The following GRIN3A variants were observed in gnomAD, a reference collection of about 807,000 sequenced individuals.
GRIN3A encodes glutamate ionotropic receptor NMDA type subunit 3A.
GRIN3A carries 47 observed loss-of-function variants against 92.4 expected under a neutral mutation model. The observed-to-expected ratio is 0.51, with a 90% CI of 0.40 to 0.65. The LOEUF is 0.65. Among genes scored for constraint, GRIN3A ranks in the 30% least tolerant of loss-of-function variants. GRIN3A has a pLI of 0.00. For missense variants in GRIN3A, 1,324 were observed against 1,393.1 expected, an observed-to-expected ratio of 0.95 and a Z score of 0.79; for synonymous variants, 527 against 540.6, an observed-to-expected ratio of 0.97 and a Z score of 0.35.
intron 6 of GRIN3A, chr9:101,594,246 T>C: frequency 2.3e-6 from 2 of 862,548 alleles, no homozygotes; most frequent in East Asian, 2.7e-5. Context: ...AGAAGGAGAA[T>C]TAATAGCACT....
chr9:101,612,767 C>T (rs1828383235), intron 6 of GRIN3A, among the ~76,000 whole-genome samples: 1 of 152,162 alleles, frequency 6.6e-6, no homozygotes, highest in Non-Finnish European at 1.5e-5. Flanking sequence ...CAGTGTACTG[C>T]AATAGAAAGA....
chr9:101,587,568 A>G (rs1827965750), intron 6 of GRIN3A, among the ~76,000 whole-genome samples: 1 of 152,182 alleles, frequency 6.6e-6, no homozygotes, highest in South Asian at 2.1e-4. Context: ...TAAAAAGCAC[A>G]TGTCTGAAAA....
chr9:101,737,432 C>T lies in GRIN3A; in HGVS notation c.548G>A (p.Ser183Asn), dbSNP rs1830224061. The part of the protein sequence containing the change: ...WSSDPFSFLQ[S>N]VCHTVVVQGV... ...TTGCACCACCACGGTATGGCACACA[C>T]TTTGCAGGAAGGAGAAAGGGTCACT... Residue 183 changes from serine to asparagine, a missense_variant, in exon 1 of 9, where the codon AGT (serine) becomes AAT (asparagine). Ser to Asn is a conservative substitution (Grantham distance 46, BLOSUM62 1). Coordinates refer to ENST00000361820, the MANE Select transcript of GRIN3A (RefSeq NM_133445.3). 1.2e-6 allele frequency: 2 copies of T among 1,614,156 alleles called. No homozygotes were observed. Among genetic ancestry groups the T allele is most frequent in the East Asian group, 2.2e-5 (1 of 44,892 alleles).
At chr9:101,697,239 T>C (rs912618414) in intron 1 of GRIN3A, among the ~76,000 whole-genome samples, 1 of 152,228 alleles carries the variant, frequency 6.6e-6, no homozygotes, top group African/African-American at 2.4e-5. Flanking sequence ...GATTACACTT[T>C]GCTGCAATGA....
chr9:101,729,328 T>C (rs1425575330), intron 1 of GRIN3A, among the ~76,000 whole-genome samples: 1 of 152,180 alleles, frequency 6.6e-6, no homozygotes, highest in Non-Finnish European at 1.5e-5. Flanking sequence ...GAGGTCATAG[T>C]CTGAAATATG....
intron 6 of GRIN3A, among the ~76,000 whole-genome samples, chr9:101,604,131 T>C (rs761935024): frequency 2.0e-5 from 3 of 150,932 alleles, no homozygotes; most frequent in Non-Finnish European, 2.9e-5. Context: ...ACACGTTTGC[T>C]AATGGATGGA....
At chr9:101,601,496 T>C (rs564820833) in intron 6 of GRIN3A, among the ~76,000 whole-genome samples, 7 of 151,748 alleles carry the variant, frequency 4.6e-5, no homozygotes, top group African/African-American at 1.5e-4. Flanking sequence ...AAATGTGGAG[T>C]GTATTAATTA....
chr9:101,585,328 C>T lies in GRIN3A; in HGVS notation c.2767-5968G>A, dbSNP rs1359511720. Among the ~76,000 whole-genome samples the T allele has an allele frequency of 3.3e-5, 5 of 152,288 alleles. No individual in the cohort carries two copies. The East Asian group carries it at 9.6e-4, about 29-fold the overall frequency. On this transcript the variant is annotated intron_variant, in intron 6 of 8. Transcript: ENST00000361820. ...TCATCTTTCTGACTGTAAACATAGG[C>T]ATGCTTTCAGTTTTTCAGCTACACT...
At chr9:101,691,099 G>T (rs999811631) in intron 1 of GRIN3A, among the ~76,000 whole-genome samples, 5 of 151,946 alleles carry the variant, frequency 3.3e-5, no homozygotes, top group Non-Finnish European at 5.9e-5. Context: ...AAAAACAAGA[G>T]AATATTAGTA....
At chr9:101,617,505 C>T (rs1258078918) in intron 5 of GRIN3A, among the ~76,000 whole-genome samples, 1 of 152,126 alleles carries the variant, frequency 6.6e-6, no homozygotes, top group African/African-American at 2.4e-5. Flanking sequence ...TATTAAATCA[C>T]TCCACTCGAT....
intron 6 of GRIN3A, chr9:101,594,984 C>G: frequency 6.8e-7 from 1 of 1,459,950 alleles, no homozygotes; most frequent in Non-Finnish European, 9.1e-7. Context: ...GCGGTGAGCT[C>G]GGGCGGGGCT....
rs1829299477 is a variant in GRIN3A, at chr9:101,670,287, T to C, written c.2125A>G (p.Asn709Asp). ...SPFGLTPKGR[N>D]RSKVFSFSSA... ...GAAAAGGAGAAGACTTTACTTCTAT[T>C]TCGCCCCTTGGGAGTCAAACCAAAT... Residue 709 changes from asparagine to aspartate, a missense_variant, in exon 3 of 9, where the codon AAT (asparagine) becomes GAT (aspartate). Physicochemically the swap from Asn to Asp is conservative, Grantham distance 23. Transcript: ENST00000361820. 3 of 1,613,936 alleles carry C rather than the reference T, an allele frequency of 1.9e-6. No individual in the cohort carries two copies. Among genetic ancestry groups the C allele is most frequent in the Admixed American group, 3.3e-5 (2 of 59,978 alleles).
Position 101,737,471 on chromosome 9 carries a change from C to G in GRIN3A, c.509G>C (p.Ser170Thr). 6.2e-7 allele frequency: 1 copy of G among 1,614,246 alleles called. No homozygotes were observed. The change falls in exon 1 of 9, where the codon AGT becomes ACT. Residue 170 changes from serine (S) to threonine (T), a missense_variant. Transcript: ENST00000361820. ...DLPLLPFSSP[S>T]SPWSSDPFSF... ...GAAAGGGTCACTGCTCCATGGCGAA[C>G]TAGGGGAGGAGAAGGGCAAAAGTGG...
intron 6 of GRIN3A, 80 bp downstream of exon 6, chr9:101,613,296 G>A (rs1828392986): frequency 2.1e-6 from 3 of 1,420,238 alleles, no homozygotes; most frequent in Admixed American, 1.7e-5. Context: ...TAGATGATGA[G>A]GCACAAGTAA....
chr9:101,653,330 G>C (rs1829037322), intron 3 of GRIN3A, among the ~76,000 whole-genome samples: 3 of 109,200 alleles, frequency 2.7e-5, no homozygotes, highest in Admixed American at 1.9e-4. Flanking sequence ...GCTTTTCAGA[G>C]AAAATAGATT....
chr9:101,619,722 C>T (rs41375950), intron 5 of GRIN3A, among the ~76,000 whole-genome samples: 18,348 of 152,154 alleles, frequency 0.12, 1,965 homozygotes, highest in African/African-American at 0.29. Context: ...AACTCATAAA[C>T]AGGCAAAGGT....
At chr9:101,610,863 C>G (rs1203911164) in intron 6 of GRIN3A, among the ~76,000 whole-genome samples, 2 of 152,002 alleles carry the variant, frequency 1.3e-5, no homozygotes, top group Non-Finnish European at 2.9e-5. Context: ...CTTTGGGAGG[C>G]CGAGGCGGGC....
In GRIN3A at chr9:101,671,043, C is replaced by A; in HGVS notation, c.1369G>T (p.Val457Phe). 3 of 1,613,810 alleles carry A rather than the reference C, an allele frequency of 1.9e-6. No homozygotes were observed. The highest frequency in any genetic ancestry group is 2.5e-6 in the Non-Finnish European group (3 of 1,179,860). Residue 457 changes from valine to phenylalanine, a missense_variant, in exon 3 of 9, where the codon GTC (valine) becomes TTC (phenylalanine). Coordinates refer to ENST00000361820, the MANE Select transcript of GRIN3A (RefSeq NM_133445.3). ...ATGAAAAAGTTGTTTTCTGAGCTGA[C>A]GATGGTGGAACCTTTTACTCTGATG... is the stretch of plus-strand genomic sequence containing the variant. Reference protein sequence around the residue: ...GSIRVKGSTIVSSENNFFIWN... With the variant: ...GSIRVKGSTIFSSENNFFIWN...
intron 1 of GRIN3A, among the ~76,000 whole-genome samples, chr9:101,690,346 G>A (rs952134418): frequency 6.6e-6 from 1 of 151,998 alleles, no homozygotes; most frequent in Non-Finnish European, 1.5e-5. Context: ...ATTTCTAGTG[G>A]AGATGAAACT....
Sources: allele counts gnomAD v4.1 joint callset (sites outside exome capture counted in the v4.1 genomes callset), GRCh38; gene constraint gnomAD v4.1.1; transcripts MANE v1.5; gene names NCBI Gene and HGNC (gene_info 2026-07-23, HGNC 2026-07-21).